HMBOX1: variants seen among roughly 807,000 people sequenced by gnomAD.
HMBOX1 encodes homeobox-containing protein 1.
In HMBOX1, 14 loss-of-function variants were observed where a neutral mutation model predicts 54.5. The ratio of observed to expected loss-of-function variants is 0.26; its 90% CI spans 0.17 to 0.40. The LOEUF is 0.40. Ranked by LOEUF, HMBOX1 falls within the 10% of genes least tolerant of loss-of-function variation. The probability of loss-of-function intolerance (pLI) is 1.00; values close to 1 mark genes in which losing one functional copy is unlikely to be tolerated. For missense variants in HMBOX1, 332 were observed against 514.4 expected, an observed-to-expected ratio of 0.65 and a Z score of 3.43; for synonymous variants, 160 against 181.0, an observed-to-expected ratio of 0.88 and a Z score of 0.93.
At chr8:28,928,950 A>G (rs1370747532) in intron 1 of HMBOX1, among the ~76,000 whole-genome samples, 1 of 152,180 alleles carries the variant, frequency 6.6e-6, no homozygotes, top group African/African-American at 2.4e-5. Context: ...TGTGTTGGTC[A>G]AAGGGTGCAA....
rs775192222 is a variant in HMBOX1 at position 29,018,764 on chromosome 8, T to G, written c.702T>G (p.Ala234=). 1 of 1,612,998 alleles carries G rather than the reference T, an allele frequency of 6.2e-7. No homozygotes were observed. The highest frequency in any genetic ancestry group is 1.3e-5 in the African/African-American group (1 of 74,870). ...AAAGTGTCTTGTTTATTTCAGGCGC[T>G]ACACTAAGTATGAGACCAGCCCCCA... is the stretch of plus-strand genomic sequence containing the variant. The part of the protein sequence containing the change: ...WYQLEKTNPG[A]TLSMRPAPIP... Residue 234 remains alanine, a synonymous_variant, in exon 6 of 10, where the codon GCT becomes GCG. Coordinates refer to ENST00000287701, the MANE Select transcript of HMBOX1 (RefSeq NM_001135726.3).
At chr8:28,910,667 C>CT (rs1815242142) in intron 1 of HMBOX1, among the ~76,000 whole-genome samples, 1 of 152,046 alleles carries the variant, frequency 6.6e-6, no homozygotes, top group Admixed American at 6.6e-5. Flanking sequence ...ATTCATATAT[C>CT]TTTTTTGATG....
rs1260197848 is a variant in HMBOX1 at position 28,970,104 on chromosome 8, C to G, written c.85C>G (p.Leu29Val). The G allele has an allele frequency of 1.2e-6, 2 of 1,614,108 alleles. No individual in the cohort carries two copies. Among genetic ancestry groups the G allele is most frequent in the Admixed American group, 3.3e-5 (2 of 60,018 alleles). The change falls in exon 3 of 10, where the codon CTG (leucine) becomes GTG (valine). Residue 29 changes from leucine (L) to valine (V), a missense_variant. Transcript: ENST00000287701. This position sits in a 1 kb window ranked among gnomAD's most constrained non-coding sequence, Gnocchi z 4.3. Reference protein sequence around the residue: ...EPRFTIEQIDLLQRLRRTGMT... With the variant: ...EPRFTIEQIDVLQRLRRTGMT... ...CAGATTTACCATAGAGCAGATAGAT[C>G]TGCTTCAGCGACTTCGGCGTACTGG... is the stretch of plus-strand genomic sequence containing the variant.
chr8:28,934,716 G>A (rs967040341), intron 1 of HMBOX1, among the ~76,000 whole-genome samples: 1 of 152,118 alleles, frequency 6.6e-6, no homozygotes, highest in African/African-American at 2.4e-5. Flanking sequence ...ACGAGATCAG[G>A]AGATCGAGAC....
At chr8:28,934,103 G>A (rs1819966065) in intron 1 of HMBOX1, among the ~76,000 whole-genome samples, 1 of 152,104 alleles carries the variant, frequency 6.6e-6, no homozygotes, top group Non-Finnish European at 1.5e-5. Flanking sequence ...GAATCCAGCA[G>A]TATAAAAATA....
intron 1 of HMBOX1, among the ~76,000 whole-genome samples, chr8:28,944,753 G>T (rs1245940191): frequency 6.6e-6 from 1 of 152,132 alleles, no homozygotes; most frequent in Non-Finnish European, 1.5e-5. Context: ...GAAGAAAAAG[G>T]TAATTCCTTC....
intron 1 of HMBOX1, among the ~76,000 whole-genome samples, chr8:28,894,628 A>G (rs1028413972): frequency 6.6e-6 from 1 of 152,206 alleles, no homozygotes; most frequent in Non-Finnish European, 1.5e-5. Flanking sequence ...AGGGCCCATC[A>G]TAGGCGCAGA....
chr8:28,952,113 T>A (rs1586041836), intron 1 of HMBOX1, among the ~76,000 whole-genome samples: 1 of 150,324 alleles, frequency 6.7e-6, no homozygotes, highest in East Asian at 2.0e-4. Flanking sequence ...AAGTTTGAGG[T>A]TGCAGTGAGC....
rs866118198 is a variant in HMBOX1 at position 28,945,821 on chromosome 8, T to C, written c.-57-17990T>C. Among the ~76,000 whole-genome samples, 9 of 152,128 alleles carry C rather than the reference T, an allele frequency of 5.9e-5. No homozygotes were observed. In the South Asian group the frequency reaches 1.7e-3, roughly 28 times the overall value. Reference sequence around the variant, plus strand: ...GAAAAGGTTTTTTTTTTTCCACTTTTTGAAGTAACTTTAATAAGATACAAT... The same window carrying C: ...GAAAAGGTTTTTTTTTTTCCACTTTCTGAAGTAACTTTAATAAGATACAAT... On this transcript the variant is annotated intron_variant, in intron 1 of 9. Coordinates refer to ENST00000287701, the MANE Select transcript of HMBOX1 (RefSeq NM_001135726.3).
At chr8:29,039,605 ACTGT>A (rs916473143) in intron 6 of HMBOX1, among the ~76,000 whole-genome samples, 52 of 152,288 alleles carry the variant, frequency 3.4e-4, no homozygotes, top group East Asian at 9.7e-4. Flanking sequence ...TTAGATACTT[ACTGT>A]CTATTATATG....
chr8:28,990,425 A>G (rs1490536628), intron 4 of HMBOX1, among the ~76,000 whole-genome samples: 8 of 152,140 alleles, frequency 5.3e-5, no homozygotes, highest in Non-Finnish European at 1.2e-4. Flanking sequence ...CTTTTTCTGC[A>G]TCTGTTGAGA....
intron 4 of HMBOX1, 102 bp downstream of exon 4, chr8:28,980,258 T>C (rs1237061478): frequency 4.6e-6 from 4 of 861,798 alleles, no homozygotes; most frequent in Non-Finnish European, 7.9e-6. Context: ...AGTGCAGATC[T>C]GTCAACTTAG....
chr8:28,944,998 C>T (rs573261440), intron 1 of HMBOX1, among the ~76,000 whole-genome samples: 2 of 152,306 alleles, frequency 1.3e-5, no homozygotes, highest in South Asian at 2.1e-4. Context: ...ACTTTCTCAT[C>T]ATAGTTTGAT....
chr8:29,013,335 C>T (rs143659391), intron 5 of HMBOX1, among the ~76,000 whole-genome samples: 6 of 152,280 alleles, frequency 3.9e-5, no homozygotes, highest in Admixed American at 1.3e-4. Context: ...GGGGTTTCAC[C>T]ATGTTGGCCA....
intron 1 of HMBOX1, among the ~76,000 whole-genome samples, chr8:28,959,499 A>G (rs1411718226): frequency 2.0e-5 from 3 of 152,218 alleles, no homozygotes; most frequent in African/African-American, 4.8e-5. Context: ...GGTTACTGAA[A>G]CCACAGAAAG....
At chr8:28,980,319 G>C (rs1446961045) in intron 4 of HMBOX1, among the ~76,000 whole-genome samples, 163 bp downstream of exon 4, 1 of 152,120 alleles carries the variant, frequency 6.6e-6, no homozygotes, top group Non-Finnish European at 1.5e-5. Context: ...CAATATCGCC[G>C]AACTTCTCTA....
intron 5 of HMBOX1, among the ~76,000 whole-genome samples, chr8:29,010,798 T>G (rs1402953646): frequency 6.6e-6 from 1 of 152,148 alleles, no homozygotes. Flanking sequence ...GCTCTTTCTT[T>G]AGTATCTCTT....
At chr8:28,940,621 G>T (rs746248873) in intron 1 of HMBOX1, among the ~76,000 whole-genome samples, 1 of 152,210 alleles carries the variant, frequency 6.6e-6, no homozygotes, top group Non-Finnish European at 1.5e-5. Flanking sequence ...GTGGGTGGAG[G>T]AATAATGGTT....
chr8:28,961,920 CT>C (rs35117256), intron 1 of HMBOX1, among the ~76,000 whole-genome samples: 203 of 116,498 alleles, frequency 1.7e-3, no homozygotes, highest in African/African-American at 5.7e-3. Flanking sequence ...TTTCTTTTTT[CT>C]TTTTTTTTTT....
Sources: gnomAD v4.1 joint callset for allele counts (sites outside exome capture counted in the v4.1 genomes callset) on GRCh38, gnomAD v4.1.1 for gene constraint, Gnocchi (gnomAD v3.1) non-coding constraint, MANE v1.5 for transcripts, NCBI Gene and HGNC (gene_info 2026-07-23, HGNC 2026-07-21) for gene names.